ANK1: variants seen among roughly 807,000 people sequenced by gnomAD.
ANK1 encodes the protein ankyrin 1.
In ANK1, 51 loss-of-function variants were observed where a neutral mutation model predicts 210.4. That is an observed-to-expected ratio of 0.24 (90% CI 0.19 to 0.31). The LOEUF (loss-of-function observed/expected upper bound fraction) is 0.31, where lower values mean the gene tolerates loss of function less well. Ranked by LOEUF, ANK1 falls within the 10% of genes least tolerant of loss-of-function variation. ANK1 has a pLI of 1.00. For missense variants in ANK1, 2,051 were observed against 2,504.4 expected, an observed-to-expected ratio of 0.82 and a Z score of 3.86; for synonymous variants, 967 against 1,025.9, an observed-to-expected ratio of 0.94 and a Z score of 1.10.
intron 2 of ANK1, among the ~76,000 whole-genome samples, 184 bp downstream of exon 2, chr8:41,757,852 G>C (rs1474760274): frequency 6.6e-6 from 1 of 152,250 alleles, no homozygotes; most frequent in African/African-American, 2.4e-5. Flanking sequence ...GCCCTTCTCT[G>C]TGGGGCCCTG....
At chr8:41,767,423 C>G (rs187967954) in intron 1 of ANK1, among the ~76,000 whole-genome samples, 2 of 151,998 alleles carry the variant, frequency 1.3e-5, no homozygotes, top group East Asian at 3.9e-4. Context: ...CTCCCGCTCC[C>G]CCTCCCGGTT....
chr8:41,699,358 G>T, intron 23 of ANK1, 94 bp downstream of exon 23: 1 of 1,187,116 alleles, frequency 8.4e-7, no homozygotes. Context: ...CCAGCGCCTG[G>T]CCTGCTGTGT....
chr8:41,803,552 T>G (rs1249646772), intron 1 of ANK1: 1 of 152,104 alleles, frequency 6.6e-6, no homozygotes, highest in Non-Finnish European at 1.5e-5. Context: ...GCACCCCTTC[T>G]TTGCTTTTCT....
At chr8:41,659,235 T>C (rs976638230) in intron 42 of ANK1, among the ~76,000 whole-genome samples, 3 of 152,200 alleles carry the variant, frequency 2.0e-5, no homozygotes, top group East Asian at 1.9e-4. Flanking sequence ...ACTTCAGCAC[T>C]GCCCTCAGGG....
At chr8:41,693,596 C>G (rs961792744) in intron 29 of ANK1, among the ~76,000 whole-genome samples, 2 of 152,116 alleles carry the variant, frequency 1.3e-5, no homozygotes, top group East Asian at 3.9e-4. Context: ...TGCCACCATG[C>G]CTGGCTAAGT....
intron 1 of ANK1, among the ~76,000 whole-genome samples, chr8:41,796,008 ACACT>A (rs1848666262): frequency 1.3e-5 from 2 of 152,238 alleles, no homozygotes; most frequent in African/African-American, 4.8e-5. Context: ...CATGAAACAA[ACACT>A]CACATGTATT....
intron 2 of ANK1, among the ~76,000 whole-genome samples, chr8:41,742,312 G>A (rs1469679524): frequency 6.6e-6 from 1 of 152,210 alleles, no homozygotes; most frequent in Non-Finnish European, 1.5e-5. Context: ...TCAAGAGAAG[G>A]GGAACGGTTT....
At chr8:41,683,192 G>A (rs1248689208) in intron 37 of ANK1, among the ~76,000 whole-genome samples, 1 of 152,252 alleles carries the variant, frequency 6.6e-6, no homozygotes, top group Non-Finnish European at 1.5e-5. Context: ...TGACATGCAT[G>A]TGGACGTGGC....
chr8:41,662,513 G>A (rs1199382381), intron 40 of ANK1, among the ~76,000 whole-genome samples: 1 of 152,224 alleles, frequency 6.6e-6, no homozygotes, highest in African/African-American at 2.4e-5. Flanking sequence ...ACAGCCTTCT[G>A]TTTTGCTTTT....
intron 1 of ANK1, among the ~76,000 whole-genome samples, chr8:41,822,134 GAAAGAAAGAAAGAA>G (rs1804508672): frequency 3.2e-5 from 1 of 31,044 alleles, no homozygotes; most frequent in Non-Finnish European, 8.9e-5. Flanking sequence ...GAAAGAAAGA[GAAAGAAAGAAAGAA>G]AGAAAGAAAG....
chr8:41,894,583 A>C (rs1820077248), intron 1 of ANK1, among the ~76,000 whole-genome samples: 1 of 152,176 alleles, frequency 6.6e-6, no homozygotes, highest in Non-Finnish European at 1.5e-5. Flanking sequence ...GACTATTTTC[A>C]AAAAATGATA....
intron 1 of ANK1, among the ~76,000 whole-genome samples, chr8:41,849,297 C>T (rs897795330): frequency 2.6e-5 from 4 of 152,328 alleles, no homozygotes; most frequent in African/African-American, 2.4e-5. Flanking sequence ...TCAACCTCAT[C>T]CCATGGCAGC....
At position 41,803,035 on chromosome 8, in the gene ANK1, AAGAAAG is replaced by A. The variant is rs1442513342; in HGVS notation, c.127-44904_127-44899del. On this transcript the variant is annotated intron_variant, in intron 1 of 42. Coordinates refer to the ANK1 transcript ENST00000265709. ...AAAGAAAGAAAGAAAGAAAGAAAGAAAGAAAGAGAAAGAAAGAAAGAGAGAAAGGAA... is the reference window on the plus strand; with the variant it reads ...AAAGAAAGAAAGAAAGAAAGAAAGAAAGAAAGAAAGAAAGAGAGAAAGGAA... Among the ~76,000 whole-genome samples the A allele has an allele frequency of 1.7e-3, 147 of 87,112 alleles. 1 individual carries two copies. The highest frequency in any genetic ancestry group is 2.0e-3 in the Non-Finnish European group (85 of 41,604). 57.1% of individuals were successfully genotyped at this position (87,112 alleles called of 152,430 possible). A position where few individuals can be genotyped will look rare whatever the true frequency, so the allele number is the denominator to read the frequency against.
chr8:41,879,372 A>C (rs1350612719), intron 1 of ANK1, among the ~76,000 whole-genome samples: 1 of 152,220 alleles, frequency 6.6e-6, no homozygotes, highest in African/African-American at 2.4e-5. Flanking sequence ...ACTATTATTC[A>C]CCAAGACCTG....
At chr8:41,773,671 T>C (rs181026684) in intron 1 of ANK1, among the ~76,000 whole-genome samples, 1 of 152,316 alleles carries the variant, frequency 6.6e-6, no homozygotes, top group Non-Finnish European at 1.5e-5. Flanking sequence ...GCTTTTGATA[T>C]ATCCGGCATC....
chr8:41,818,751 T>G (rs944085316), intron 1 of ANK1, among the ~76,000 whole-genome samples: 13 of 152,042 alleles, frequency 8.6e-5, no homozygotes, highest in African/African-American at 3.1e-4. Flanking sequence ...CCCTAAATGC[T>G]AGTGAGAGAG....
chr8:41,722,426 AGTGGGCC>A (rs376506208), intron 9 of ANK1, among the ~76,000 whole-genome samples: 2 of 152,230 alleles, frequency 1.3e-5, no homozygotes, highest in African/African-American at 4.8e-5. Flanking sequence ...GGTAGCTGTG[AGTGGGCC>A]TGGCTTTTGC....
At chr8:41,711,277 T>C (rs531214380) in intron 16 of ANK1, among the ~76,000 whole-genome samples, 1 of 152,082 alleles carries the variant, frequency 6.6e-6, no homozygotes, top group Non-Finnish European at 1.5e-5. Flanking sequence ...AAATGAAAAA[T>C]AAAACCCTAA....
At chr8:41,753,053 G>A (rs1023264663) in intron 2 of ANK1, among the ~76,000 whole-genome samples, 13 of 145,122 alleles carry the variant, frequency 9.0e-5, no homozygotes, top group African/African-American at 3.0e-4. Context: ...GGCCACTGCC[G>A]CAGGCTCTTT....
Sources: gnomAD v4.1 joint callset for allele counts (sites outside exome capture counted in the v4.1 genomes callset) on GRCh38, gnomAD v4.1.1 for gene constraint, MANE v1.5 for transcripts, NCBI Gene and HGNC (gene_info 2026-07-23, HGNC 2026-07-21) for gene names.